FANCA: variants seen among roughly 807,000 people sequenced by gnomAD.
FANCA encodes FA complementation group A, also known as Fanconi anemia group A protein.
Under a neutral mutation model 194.3 loss-of-function variants are expected in FANCA, and 236 were observed. The ratio of observed to expected loss-of-function variants is 1.21; its 90% CI spans 1.09 to 1.35. The LOEUF (loss-of-function observed/expected upper bound fraction) is 1.35. FANCA is among the 40% of genes most tolerant of loss of function. The probability of loss-of-function intolerance (pLI) is 0.00; values close to 1 mark genes in which losing one functional copy is unlikely to be tolerated. For synonymous variants in FANCA, 1,014 were observed against 715.8 expected (o/e 1.42, Z -6.65); for missense variants, 2,628 against 1,813.9 (o/e 1.45, Z -8.15).
At chr16:89,766,936 TCAGCAGTCAGGCTGCCTAAGCAGA>T (rs2039149192) in intron 27 of FANCA, among the ~76,000 whole-genome samples, 181 bp downstream of exon 27, 2 of 152,062 alleles carry the variant, frequency 1.3e-5, no homozygotes, top group South Asian at 4.1e-4. Context: ...AAGGCAGCAC[TCAGCAGTCAGGCTGCCTAAGCAGA>T]CAGCAGAGGT....
chr16:89,812,652 A>AC (rs1567655656), intron 3 of FANCA, among the ~76,000 whole-genome samples: 1 of 73,110 alleles, frequency 1.4e-5, no homozygotes, highest in African/African-American at 9.2e-5. Context: ...GTCTCAAAAA[A>AC]AAAAAAAAAA....
intron 12 of FANCA, 65 bp downstream of exon 12, chr16:89,792,406 T>C (rs1414675224): frequency 1.3e-6 from 2 of 1,508,076 alleles, no homozygotes; most frequent in South Asian, 1.1e-5. Context: ...GCATGACAAG[T>C]ACTAGGCAGA....
In FANCA at chr16:89,799,143, G is replaced by C. The variant is rs775633382; in HGVS notation, c.893+23C>G. 1.5e-5 allele frequency: 24 copies of C among 1,614,164 alleles called. 1 individual carries two copies. In the Middle Eastern group the frequency reaches 1.8e-3, roughly 122 times the overall value. ...AGACACCTCCCTGCTGCACACTCAG[G>C]CAGGCCACCCTCAGGAACATACCAG... On this transcript the variant is annotated intron_variant, in intron 10 of 42. Transcript: ENST00000389301.
intron 10 of FANCA, among the ~76,000 whole-genome samples, chr16:89,796,645 C>G (rs945435672): frequency 4.6e-5 from 7 of 152,168 alleles, no homozygotes; most frequent in African/African-American, 1.7e-4. Context: ...CTATACAGAC[C>G]ACCAAACCAA....
chr16:89,792,856 A>G (rs2040122292), intron 11 of FANCA: 1 of 376,622 alleles, frequency 2.7e-6, no homozygotes, highest in Non-Finnish European at 5.2e-6. Flanking sequence ...TCACGTGTCC[A>G]CTGGATAGGG....
chr16:89,793,072 G>C (rs908197258), intron 11 of FANCA, among the ~76,000 whole-genome samples: 15 of 152,206 alleles, frequency 9.9e-5, no homozygotes, highest in Admixed American at 5.9e-4. Flanking sequence ...CAGGGAGACG[G>C]TTAGGCCTCC....
intron 30 of FANCA, among the ~76,000 whole-genome samples, chr16:89,753,676 G>C (rs1047804610): frequency 1.3e-5 from 2 of 152,084 alleles, no homozygotes; most frequent in African/African-American, 4.8e-5. Flanking sequence ...GATTTAATGA[G>C]GAAAGACTGA....
chr16:89,739,079 G>T, intron 41 of FANCA, 54 bp downstream of exon 41: 1 of 1,613,892 alleles, frequency 6.2e-7, no homozygotes, highest in Non-Finnish European at 8.5e-7. Flanking sequence ...TTGGCAGAAG[G>T]AGCCTCCGGC....
chr16:89,760,881 G>C (rs1037832360), intron 29 of FANCA, among the ~76,000 whole-genome samples: 5 of 152,090 alleles, frequency 3.3e-5, no homozygotes, highest in African/African-American at 1.2e-4. Context: ...GTATCTACCT[G>C]TGTGTTGCCA....
chr16:89,797,316 G>A (rs922273471), intron 10 of FANCA, among the ~76,000 whole-genome samples: 2 of 151,032 alleles, frequency 1.3e-5, no homozygotes, highest in African/African-American at 4.9e-5. Context: ...GGGCGACACA[G>A]TGAGACTCTG....
chr16:89,782,274 G>A (rs937070373), intron 17 of FANCA, among the ~76,000 whole-genome samples: 36 of 152,028 alleles, frequency 2.4e-4, no homozygotes, highest in African/African-American at 8.2e-4. Flanking sequence ...CACTTTGAGA[G>A]GCCAAGGCGG....
At chr16:89,752,110 C>T in intron 31 of FANCA, 28 bp downstream of exon 31, 2 of 1,589,848 alleles carry the variant, frequency 1.3e-6, no homozygotes, top group Non-Finnish European at 8.6e-7. Flanking sequence ...GAAGTGAATG[C>T]ACTGAGTTGT....
At chr16:89,750,311 C>T (rs1217392938) in intron 31 of FANCA, among the ~76,000 whole-genome samples, 4 of 151,764 alleles carry the variant, frequency 2.6e-5, no homozygotes, top group Non-Finnish European at 1.5e-5. Context: ...GAAACCCTGT[C>T]GCTACTAAAA....
At chr16:89,799,254 G>A in intron 9 of FANCA, 22 bp from the exon 10 acceptor site, 1 of 1,613,678 alleles carries the variant, frequency 6.2e-7, no homozygotes, top group Non-Finnish European at 8.5e-7. Flanking sequence ...GCCAGGAACA[G>A]AAAACAGATG....
intron 10 of FANCA, among the ~76,000 whole-genome samples, chr16:89,797,134 T>C (rs1477371762): frequency 1.3e-5 from 2 of 151,930 alleles, no homozygotes; most frequent in Admixed American, 6.6e-5. Flanking sequence ...CACTCCAGCA[T>C]GGGCGACAGA....
At chr16:89,793,168 G>T (rs923539434) in intron 11 of FANCA, among the ~76,000 whole-genome samples, 3 of 152,142 alleles carry the variant, frequency 2.0e-5, no homozygotes, top group South Asian at 2.1e-4. Context: ...CGGGGGGAAA[G>T]GGAGAGTCCC....
rs1339712402 is a variant in FANCA at position 89,784,841 on chromosome 16, G to C, written c.1470+13C>G. The C allele has an allele frequency of 2.5e-6, 4 of 1,594,906 alleles. No individual in the cohort carries two copies. The highest frequency in any genetic ancestry group is 2.6e-6 in the Non-Finnish European group (3 of 1,162,454). On this transcript the variant is annotated intron_variant, in intron 15 of 42. Coordinates refer to ENST00000389301, the MANE Select transcript of FANCA (RefSeq NM_000135.4). ...AGCACCAGAAATCATGGATGTGGCAGCCAGCTTCTCACCTGCAGGTACCGG... is the reference window on the plus strand; with the variant it reads ...AGCACCAGAAATCATGGATGTGGCACCCAGCTTCTCACCTGCAGGTACCGG...
At position 89,739,512 on chromosome 16, in the gene FANCA, G is replaced by T. The variant is rs764620351; in HGVS notation, c.3976C>A (p.Gln1326Lys). Reference sequence around the variant, plus strand: ...GCGAAAGGCAGCAGCCTGGTGTGCTGATCCGGGGCCACACGGAGGAGGAGC... The same window carrying T: ...GCGAAAGGCAGCAGCCTGGTGTGCTTATCCGGGGCCACACGGAGGAGGAGC... ...GRLLLRVAPD[Q>K]HTRLLPFAFY... The change falls in exon 40 of 43, where the codon CAG becomes AAG. Residue 1326 changes from glutamine (Q) to lysine (K), a missense_variant. Gln to Lys is a moderately conservative substitution (Grantham distance 53). Coordinates refer to ENST00000389301, the MANE Select transcript of FANCA (RefSeq NM_000135.4). 5.2e-6 allele frequency: 8 copies of T among 1,551,290 alleles called. No homozygotes were observed. The South Asian group carries it at 9.5e-5, about 18-fold the overall frequency.
intron 20 of FANCA, among the ~76,000 whole-genome samples, chr16:89,777,409 G>T (rs1319114960): frequency 6.6e-6 from 1 of 151,964 alleles, no homozygotes; most frequent in Non-Finnish European, 1.5e-5. Flanking sequence ...GGATCCCAGA[G>T]AATAAACTTA....
Sources: allele counts gnomAD v4.1 joint callset (sites outside exome capture counted in the v4.1 genomes callset), GRCh38; gene constraint gnomAD v4.1.1; transcripts MANE v1.5; gene names NCBI Gene and HGNC (gene_info 2026-07-23, HGNC 2026-07-21).